PFKFB2: variants seen among roughly 807,000 people sequenced by gnomAD.
The protein encoded by PFKFB2 is 6-phosphofructo-2-kinase/fructose-2,6-bisphosphatase 2.
In PFKFB2, 53 loss-of-function variants were observed where a neutral mutation model predicts 68.0. The observed-to-expected ratio is 0.78, with a 90% CI of 0.63 to 0.98. PFKFB2 has a LOEUF of 0.98. Ranked by LOEUF, PFKFB2 falls within the 50% of genes least tolerant of loss-of-function variation. The pLI, the probability that PFKFB2 is intolerant of heterozygous loss-of-function variation, is 0.00. For synonymous variants in PFKFB2, 222 were observed against 227.6 expected, an observed-to-expected ratio of 0.98 and a Z score of 0.22; for missense variants, 451 against 642.0, an observed-to-expected ratio of 0.70 and a Z score of 3.22.
At chr1:207,054,879 G>C in intron 2 of PFKFB2, 77 bp downstream of exon 2, 1 of 976,082 alleles carries the variant, frequency 1.0e-6, no homozygotes, top group Non-Finnish European at 1.6e-6. Flanking sequence ...CCTGGACTCT[G>C]CTGCTTGGTG....
intron 2 of PFKFB2, among the ~76,000 whole-genome samples, chr1:207,042,452 G>A (rs976886595): frequency 6.8e-6 from 1 of 147,780 alleles, no homozygotes; most frequent in African/African-American, 2.5e-5. Context: ...GGAGGCTGAG[G>A]CCAGAGAATG....
chr1:207,061,145 A>ATATATATCTT (rs1683091761), intron 2 of PFKFB2, among the ~76,000 whole-genome samples: 1 of 106,240 alleles, frequency 9.4e-6, no homozygotes, highest in Non-Finnish European at 1.8e-5. Context: ...ATATATCTTT[A>ATATATATCTT]TATATATTTA....
chr1:207,037,611 C>T (rs1253703027), intron 1 of PFKFB2, among the ~76,000 whole-genome samples: 1 of 152,204 alleles, frequency 6.6e-6, no homozygotes, highest in Non-Finnish European at 1.5e-5. Context: ...TAACTCTTTT[C>T]TTCTCTATTC....
At position 207,077,358 on chromosome 1, in the gene PFKFB2, T is replaced by C. The variant is rs1683656969; in HGVS notation, c.*4987T>C. On this transcript the variant is annotated 3_prime_UTR_variant, in exon 15 of 15. Coordinates refer to ENST00000367080, the MANE Select transcript of PFKFB2 (RefSeq NM_006212.2). Reference sequence around the variant, plus strand: ...TTGATTTTAAGGGTTGGCAAAAGTATTTTTTCCAGTAAGCCTTTCACTGGA... The same window carrying C: ...TTGATTTTAAGGGTTGGCAAAAGTACTTTTTCCAGTAAGCCTTTCACTGGA... 1 of 984,480 alleles carries C rather than the reference T, an allele frequency of 1.0e-6. No homozygotes were observed. The highest frequency in any genetic ancestry group is 1.2e-6 in the Non-Finnish European group (1 of 829,066). The allele number at this position is 984,480 out of a possible 1,614,324, so 61.0% of individuals were successfully genotyped here. A position where few individuals can be genotyped will look rare whatever the true frequency, so the allele number is the denominator to read the frequency against.
intron 1 of PFKFB2, among the ~76,000 whole-genome samples, chr1:207,036,091 A>C (rs1357655788): frequency 6.6e-6 from 1 of 152,174 alleles, no homozygotes; most frequent in Non-Finnish European, 1.5e-5. Flanking sequence ...GACAGCACCA[A>C]GACATTCATG....
chr1:207,072,607 T>A lies in PFKFB2; in HGVS notation c.*236T>A. 7.7e-7 allele frequency: 1 copy of A among 1,295,896 alleles called. No homozygotes were observed. Among genetic ancestry groups the A allele is most frequent in the Non-Finnish European group, 9.8e-7 (1 of 1,021,308 alleles). 80.3% of individuals were successfully genotyped at this position (1,295,896 alleles called of 1,614,324 possible). ...CAGGGGCAAGTTAGCAAATTGAGTC[T>A]TTTAGGACAGATTCTCAGATGGGAT... On this transcript the variant is annotated 3_prime_UTR_variant, in exon 15 of 15. Transcript: ENST00000367080.
Position 207,074,961 on chromosome 1 carries a change from A to G in PFKFB2, c.*2590A>G. On this transcript the variant is annotated 3_prime_UTR_variant, in exon 15 of 15. Coordinates refer to ENST00000367080, the MANE Select transcript of PFKFB2 (RefSeq NM_006212.2). ...ATATGGTTGGGGAGGCGTGTTTGGC[A>G]CTTTTACAAGGTTGCATTGTCCACA... 1 of 985,444 alleles carries G rather than the reference A, an allele frequency of 1.0e-6. No individual in the cohort carries two copies. Among genetic ancestry groups the G allele is most frequent in the Non-Finnish European group, 1.2e-6 (1 of 829,944 alleles). The allele number at this position is 985,444 out of a possible 1,614,324, so 61.0% of individuals were successfully genotyped here.
chr1:207,059,300 G>A (rs1366191681), intron 2 of PFKFB2, among the ~76,000 whole-genome samples: 1 of 152,150 alleles, frequency 6.6e-6, no homozygotes, highest in Non-Finnish European at 1.5e-5. Context: ...GGACCTTCGG[G>A]GGAAGTGCCT....
At chr1:207,058,559 C>T (rs369660408) in intron 2 of PFKFB2, among the ~76,000 whole-genome samples, 84 of 152,292 alleles carry the variant, frequency 5.5e-4, no homozygotes, top group African/African-American at 1.9e-3. Flanking sequence ...TGAGTTTTTC[C>T]ATTTACACGA....
intron 2 of PFKFB2, 158 bp downstream of exon 2, chr1:207,054,960 C>T: frequency 1.7e-6 from 1 of 588,176 alleles, no homozygotes; most frequent in South Asian, 2.0e-5. Flanking sequence ...CTGTCTAAAA[C>T]AAGTAGACTT....
chr1:207,059,228 C>T (rs1683015345), intron 2 of PFKFB2, among the ~76,000 whole-genome samples: 1 of 152,098 alleles, frequency 6.6e-6, no homozygotes, highest in South Asian at 2.1e-4. Flanking sequence ...CAGCTGGTTC[C>T]CTGGTTGCCT....
chr1:207,049,957 T>A (rs189063582), upstream of PFKFB2, among the ~76,000 whole-genome samples: 32 of 152,056 alleles, frequency 2.1e-4, no homozygotes, highest in South Asian at 2.5e-3. Flanking sequence ...AGTGAAGGGG[T>A]CTGGAGTAAA....
intron 14 of PFKFB2, among the ~76,000 whole-genome samples, 174 bp from the exon 15 acceptor site, chr1:207,072,030 T>C (rs1037094433): frequency 1.1e-4 from 16 of 152,218 alleles, no homozygotes; most frequent in Non-Finnish European, 2.4e-4. Context: ...AGCTTCTCCC[T>C]TTTAGCCCCC....
chr1:207,038,866 C>T (rs1304094551), intron 1 of PFKFB2, among the ~76,000 whole-genome samples: 2 of 152,152 alleles, frequency 1.3e-5, no homozygotes, highest in South Asian at 2.1e-4. Context: ...ATTATACCCA[C>T]CACCTAGGGA....
chr1:207,079,204 C>A, downstream of PFKFB2: 1 of 610,892 alleles, frequency 1.6e-6, no homozygotes, highest in South Asian at 1.9e-5. Context: ...ATATCAGTTA[C>A]ACTGAAAAAT....
intron 2 of PFKFB2, among the ~76,000 whole-genome samples, chr1:207,056,556 T>A (rs1682927537): frequency 6.6e-6 from 1 of 151,922 alleles, no homozygotes; most frequent in South Asian, 2.1e-4. Flanking sequence ...CCTGCTTTCC[T>A]AACTCTTCTG....
rs187562256 is a variant in PFKFB2 at position 207,063,552 on chromosome 1, C to T, written c.450+131C>T. The T allele has an allele frequency of 2.6e-6, 2 of 761,694 alleles. No individual in the cohort carries two copies. Among genetic ancestry groups the T allele is most frequent in the Non-Finnish European group, 4.6e-6 (2 of 431,918 alleles). 47.2% of individuals were successfully genotyped at this position (761,694 alleles called of 1,614,324 possible). A position where few individuals can be genotyped will look rare whatever the true frequency, so the allele number is the denominator to read the frequency against. On this transcript the variant is annotated intron_variant, in intron 6 of 14. Transcript: ENST00000367080. The surrounding 1 kb of genome is among the most constrained non-coding windows in gnomAD (Gnocchi z 4.1). Reference sequence around the variant, plus strand: ...TGAATCTCTTCTCTCAGAGCATTCCCCCAGTCCTTGAGTGTTTTCATTCAG... The same window carrying T: ...TGAATCTCTTCTCTCAGAGCATTCCTCCAGTCCTTGAGTGTTTTCATTCAG...
Position 207,075,414 on chromosome 1 carries a change from T to A in PFKFB2, c.*3043T>A. On this transcript the variant is annotated 3_prime_UTR_variant, in exon 15 of 15. Transcript: ENST00000367080. ...AGGAAGAAGCCAGGAGAATGTAGAA[T>A]GGAAAAGAGCTCTTACTCCAAATTT... 1 of 985,444 alleles carries A rather than the reference T, an allele frequency of 1.0e-6. No individual in the cohort carries two copies. The highest frequency in any genetic ancestry group is 4.7e-5 in the South Asian group (1 of 21,280). 61.0% of individuals were successfully genotyped at this position (985,444 alleles called of 1,614,324 possible).
intron 13 of PFKFB2, 75 bp from the exon 14 acceptor site, chr1:207,071,434 G>T: frequency 1.6e-6 from 2 of 1,250,370 alleles, no homozygotes; most frequent in South Asian, 2.4e-5. Context: ...TTCCTTTGTG[G>T]TATACTTTCC....
Sources: gnomAD v4.1 joint callset for allele counts (sites outside exome capture counted in the v4.1 genomes callset) on GRCh38, gnomAD v4.1.1 for gene constraint, Gnocchi (gnomAD v3.1) non-coding constraint, MANE v1.5 for transcripts, NCBI Gene and HGNC (gene_info 2026-07-23, HGNC 2026-07-21) for gene names.